MYO5C: variants seen among roughly 807,000 people sequenced by gnomAD.
The protein encoded by MYO5C is myosin VC.
Under a neutral mutation model 235.7 loss-of-function variants are expected in MYO5C, and 194 were observed. The observed-to-expected ratio is 0.82, with a 90% CI of 0.73 to 0.93. MYO5C has a LOEUF of 0.93. MYO5C is among the 40% of genes least tolerant of loss of function. The pLI, the probability that MYO5C is intolerant of heterozygous loss-of-function variation, is 0.00. For missense variants in MYO5C, 2,038 were observed against 2,127.2 expected, an observed-to-expected ratio of 0.96 and a Z score of 0.82; for synonymous variants, 707 against 754.8, an observed-to-expected ratio of 0.94 and a Z score of 1.04.
Position 52,208,625 on chromosome 15 carries a change from C to G in MYO5C, c.4315G>C (p.Glu1439Gln). The G allele has an allele frequency of 6.2e-7, 1 of 1,614,072 alleles. No homozygotes were observed. The highest frequency in any genetic ancestry group is 8.5e-7 in the Non-Finnish European group (1 of 1,179,930). ...TTGGAAAGCCAAAAGGACAGCATTT[C>G]AAAGTCTTCTAAATGTTCCTTAGGA... ...QVVKEHLEDFEMLSFWLSNTC... is the reference protein window; with the variant it reads ...QVVKEHLEDFQMLSFWLSNTC... The change falls in exon 36 of 41, where the codon GAA (glutamate) becomes CAA (glutamine). Residue 1439 changes from glutamate to glutamine, a missense_variant. By Grantham distance (29) the Glu-to-Gln change is conservative. Transcript: ENST00000261839.
chr15:52,251,595 A>G, intron 12 of MYO5C, 80 bp from the exon 13 acceptor site: 1 of 1,169,972 alleles, frequency 8.5e-7, no homozygotes, highest in Non-Finnish European at 1.2e-6. Context: ...AATTCTAAGA[A>G]ACCAAGGTGA....
chr15:52,223,454 T>C (rs2035746420), intron 29 of MYO5C, 90 bp downstream of exon 29: 1 of 1,292,054 alleles, frequency 7.7e-7, no homozygotes, highest in Admixed American at 2.3e-5. Flanking sequence ...ATATCCACTC[T>C]TTTACTGCCA....
intron 23 of MYO5C, among the ~76,000 whole-genome samples, chr15:52,234,831 G>A (rs569430745): frequency 2.0e-5 from 3 of 152,232 alleles, no homozygotes; most frequent in African/African-American, 7.2e-5. Context: ...GCACTCCTCT[G>A]GGCCCCATCA....
chr15:52,223,582 T>C lies in MYO5C; in HGVS notation c.3589A>G (p.Ile1197Val), dbSNP rs1313483745. ...FREENDINES[I>V]RHEVTRLTSE... ...GTTAGCCTGGTAACTTCATGACGGA[T>C]GCTTTCATTGATGTCATTTTCTTCT... The change falls in exon 29 of 41, where the codon ATC (isoleucine) becomes GTC (valine). Residue 1197 changes from isoleucine (I) to valine (V), a missense_variant. Coordinates refer to ENST00000261839, the MANE Select transcript of MYO5C (RefSeq NM_018728.4). 4 of 1,614,074 alleles carry C rather than the reference T, an allele frequency of 2.5e-6. No homozygotes were observed. In the African/African-American group the frequency reaches 4.0e-5, roughly 16 times the overall value.
chr15:52,253,297 C>T lies in MYO5C; in HGVS notation c.1536+20G>A, dbSNP rs1194158489. ...GTTACTACTTAAAAGCTGAAAAAAA[C>T]AATTATTCTTAAAAGTTACCAAACA... is the stretch of plus-strand genomic sequence containing the variant. On this transcript the variant is annotated intron_variant, in intron 12 of 40. Coordinates refer to ENST00000261839, the MANE Select transcript of MYO5C (RefSeq NM_018728.4). 1.3e-6 allele frequency: 2 copies of T among 1,594,776 alleles called. No homozygotes were observed. The highest frequency in any genetic ancestry group is 1.8e-5 in the Admixed American group (1 of 54,572).
At chr15:52,202,657 C>T (rs2035214845) in intron 38 of MYO5C, among the ~76,000 whole-genome samples, 1 of 152,136 alleles carries the variant, frequency 6.6e-6, no homozygotes, top group Non-Finnish European at 1.5e-5. Context: ...GTGAAATAAA[C>T]ATAACTCATT....
intron 4 of MYO5C, 77 bp downstream of exon 4, chr15:52,278,796 C>T: frequency 6.5e-7 from 1 of 1,549,708 alleles, no homozygotes; most frequent in Non-Finnish European, 8.8e-7. Context: ...CTAGATATCT[C>T]CCCTCCACTG....
At chr15:52,263,415 T>TA (rs2036734047) in intron 9 of MYO5C, among the ~76,000 whole-genome samples, 2 of 152,054 alleles carry the variant, frequency 1.3e-5, no homozygotes, top group African/African-American at 4.8e-5. Flanking sequence ...TCACAAAACT[T>TA]ACAATACATT....
rs536910614 is a variant in MYO5C at position 52,197,265 on chromosome 15, C to G, written c.4821-782G>C. ...ATCCATCAACTGATGAATGAATGAA[C>G]AAACTGTGGCATTATCCATGCAATG... On this transcript the variant is annotated intron_variant, in intron 38 of 40. Coordinates refer to ENST00000261839, the MANE Select transcript of MYO5C (RefSeq NM_018728.4). 2.6e-5 allele frequency among the ~76,000 whole-genome samples: 4 copies of G among 152,258 alleles called. No homozygotes were observed. In the East Asian group the frequency reaches 7.7e-4, roughly 29 times the overall value.
In MYO5C at chr15:52,247,072, C is replaced by T. The variant is rs770398653; in HGVS notation, c.1882-58G>A. The T allele has an allele frequency of 3.4e-6, 5 of 1,464,786 alleles. No individual in the cohort carries two copies. In the South Asian group the frequency reaches 3.6e-5, roughly 10 times the overall value. The allele number at this position is 1,464,786 out of a possible 1,614,324, so 90.7% of individuals were successfully genotyped here. A position where few individuals can be genotyped will look rare whatever the true frequency, so the allele number is the denominator to read the frequency against. On this transcript the variant is annotated intron_variant, in intron 15 of 40. Coordinates refer to ENST00000261839, the MANE Select transcript of MYO5C (RefSeq NM_018728.4). Reference sequence around the variant, plus strand: ...CTGAAATAATTTACTGCTTACATCACGGTAAAAAGCAGCCCAACCTTGTTA... The same window carrying T: ...CTGAAATAATTTACTGCTTACATCATGGTAAAAAGCAGCCCAACCTTGTTA...
chr15:52,193,966 G>T lies in MYO5C; in HGVS notation c.5165C>A (p.Pro1722Gln), dbSNP rs775368411. The T allele has an allele frequency of 5.0e-6, 8 of 1,613,836 alleles. No homozygotes were observed. The highest frequency in any genetic ancestry group is 6.8e-6 in the Non-Finnish European group (8 of 1,179,908). The change falls in exon 41 of 41, where the codon CCA (proline) becomes CAA (glutamine). Residue 1722 changes from proline to glutamine, a missense_variant. Transcript: ENST00000261839. ...GATCTGAATCATTTCCAGAGCATGT[G>T]GAGAGGGGGTAAAAGGAAATGTGAC... ...FQVTFPFTPS[P>Q]HALEMIQIPS...
intron 13 of MYO5C, among the ~76,000 whole-genome samples, chr15:52,249,794 A>G (rs1032229191): frequency 6.6e-6 from 1 of 152,086 alleles, no homozygotes; most frequent in African/African-American, 2.4e-5. Context: ...TCTGTTGGGG[A>G]CTCTGGGACC....
At chr15:52,246,777 T>TA in intron 16 of MYO5C, 140 bp downstream of exon 16, 1 of 593,894 alleles carries the variant, frequency 1.7e-6, no homozygotes, top group Non-Finnish European at 2.9e-6. Context: ...ACATTTTATG[T>TA]AAAGGGCAGC....
At chr15:52,280,867 C>T (rs185735337) in intron 2 of MYO5C, among the ~76,000 whole-genome samples, 1 of 152,366 alleles carries the variant, frequency 6.6e-6, no homozygotes, top group Admixed American at 6.5e-5. Context: ...TGCTCTCTCA[C>T]TAGCACAGTG....
chr15:52,247,698 G>C (rs1374144533), intron 14 of MYO5C, 106 bp from the exon 15 acceptor site: 1 of 1,232,514 alleles, frequency 8.1e-7, no homozygotes, highest in Non-Finnish European at 1.1e-6. Context: ...CTAGTGGGCG[G>C]TGAACAACCT....
chr15:52,222,708 T>G (rs2035721158), intron 29 of MYO5C, among the ~76,000 whole-genome samples: 1 of 151,814 alleles, frequency 6.6e-6, no homozygotes, highest in South Asian at 2.1e-4. Context: ...CCCAAAGAAA[T>G]GGGTGATGGC....
Position 52,245,445 on chromosome 15 carries a change from T to A in MYO5C, c.2087A>T (p.Tyr696Phe). The A allele has an allele frequency of 6.2e-7, 1 of 1,613,808 alleles. No individual in the cohort carries two copies. The highest frequency in any genetic ancestry group is 8.5e-7 in the Non-Finnish European group (1 of 1,179,732). Residue 696 changes from tyrosine (Y) to phenylalanine (F), a missense_variant, in exon 18 of 41, where the codon TAC becomes TTC. Transcript: ENST00000261839. ...GGTCATGAGAATGCCGTAGCGACTGTAGAACTCGATGTATGTCCACCTGGA... is the reference window on the plus strand; with the variant it reads ...GGTCATGAGAATGCCGTAGCGACTGAAGAACTCGATGTATGTCCACCTGGA... ...YPSRWTYIEF[Y>F]SRYGILMTKQ... is the part of the protein sequence containing the mutation.
At chr15:52,241,857 C>T (rs1254210760) in intron 20 of MYO5C, among the ~76,000 whole-genome samples, 191 bp downstream of exon 20, 1 of 152,128 alleles carries the variant, frequency 6.6e-6, no homozygotes, top group Non-Finnish European at 1.5e-5. Flanking sequence ...GGAACCCTCC[C>T]ATTTCAGCTC....
intron 13 of MYO5C, among the ~76,000 whole-genome samples, chr15:52,250,608 T>C (rs548454649): frequency 6.6e-6 from 1 of 152,312 alleles, no homozygotes; most frequent in Middle Eastern, 3.4e-3. Context: ...GCTTTCCAGG[T>C]TGCTGTCCCC....
Sources: allele counts gnomAD v4.1 joint callset (sites outside exome capture counted in the v4.1 genomes callset), GRCh38; gene constraint gnomAD v4.1.1; transcripts MANE v1.5; gene names NCBI Gene and HGNC (gene_info 2026-07-23, HGNC 2026-07-21).